GPC5: variants seen among roughly 807,000 people sequenced by gnomAD.
The protein encoded by GPC5 is glypican-5.
GPC5 carries 47 observed loss-of-function variants against 53.9 expected under a neutral mutation model. The observed-to-expected ratio is 0.87, with a 90% confidence interval of 0.69 to 1.11. The LOEUF (loss-of-function observed/expected upper bound fraction) is 1.11. Among genes scored for constraint, GPC5 ranks in the 50% most tolerant of loss-of-function variants. GPC5 has a pLI of 0.00. For synonymous variants in GPC5, 286 were observed against 263.3 expected (o/e 1.09, Z -0.84); for missense variants, 748 against 713.1 (o/e 1.05, Z -0.56).
chr13:92,433,212 A>G (rs967995995), intron 7 of GPC5, among the ~76,000 whole-genome samples: 5 of 152,070 alleles, frequency 3.3e-5, no homozygotes, highest in African/African-American at 9.7e-5. Context: ...AGAAAGAATG[A>G]GATTTGAAGC....
At chr13:91,728,806 A>G in intron 4 of GPC5, 141 bp downstream of exon 4, 1 of 902,294 alleles carries the variant, frequency 1.1e-6, no homozygotes, top group South Asian at 2.6e-5. Flanking sequence ...AACTTTAAAA[A>G]TCAGTGGCTG....
chr13:92,829,396 C>T (rs949158373), intron 7 of GPC5, among the ~76,000 whole-genome samples: 4 of 152,144 alleles, frequency 2.6e-5, no homozygotes, highest in African/African-American at 9.7e-5. Context: ...AGAAGGTATT[C>T]AGACAGACTC....
intron 7 of GPC5, among the ~76,000 whole-genome samples, chr13:92,234,070 TG>T (rs1407616511): frequency 2.6e-5 from 4 of 152,238 alleles, no homozygotes; most frequent in Non-Finnish European, 5.9e-5. Context: ...GTTGGACATC[TG>T]GGTTGGTTCC....
At position 91,492,002 on chromosome 13, in the gene GPC5, C is replaced by T. The variant is rs144170349; in HGVS notation, c.325+43080C>T. Reference sequence around the variant, plus strand: ...TGCTTTCACTCATGTCTGTTGAATACTTAGCAATTAGTTTTTTTCTCTATT... The same window carrying T: ...TGCTTTCACTCATGTCTGTTGAATATTTAGCAATTAGTTTTTTTCTCTATT... On this transcript the variant is annotated intron_variant, in intron 2 of 7. Transcript: ENST00000377067. 7.2e-5 allele frequency among the ~76,000 whole-genome samples: 11 copies of T among 152,280 alleles called. No homozygotes were observed. In the East Asian group the frequency reaches 2.1e-3, roughly 29 times the overall value.
At chr13:91,689,189 ATAT>A (rs2035692091) in intron 2 of GPC5, among the ~76,000 whole-genome samples, 2 of 48,886 alleles carry the variant, frequency 4.1e-5, no homozygotes, top group Non-Finnish European at 3.7e-5. Flanking sequence ...ATATAAATAT[ATAT>A]ATATATATAT....
At chr13:92,313,355 C>T (rs565544083) in intron 7 of GPC5, among the ~76,000 whole-genome samples, 2 of 152,276 alleles carry the variant, frequency 1.3e-5, no homozygotes, top group Non-Finnish European at 2.9e-5. Context: ...TTTTAAAAAT[C>T]TCCATCTATC....
intron 3 of GPC5, chr13:91,725,082 T>C (rs1445790740): frequency 6.6e-6 from 1 of 152,218 alleles, no homozygotes; most frequent in Non-Finnish European, 1.5e-5. Flanking sequence ...GAAAGTCAGC[T>C]AAGTGACAAG....
chr13:91,671,643 C>T (rs918550086), intron 2 of GPC5, among the ~76,000 whole-genome samples: 5 of 151,928 alleles, frequency 3.3e-5, no homozygotes, highest in African/African-American at 1.2e-4. Flanking sequence ...TGGAAATGGC[C>T]ATACTGTCCA....
intron 1 of GPC5, among the ~76,000 whole-genome samples, chr13:91,425,362 C>T (rs1878965517): frequency 1.3e-5 from 2 of 152,088 alleles, no homozygotes; most frequent in Admixed American, 1.3e-4. Context: ...GCTTTGTGCC[C>T]CTACCCAAAT....
intron 7 of GPC5, among the ~76,000 whole-genome samples, chr13:92,406,143 A>T (rs1328531737): frequency 6.6e-6 from 1 of 152,214 alleles, no homozygotes; most frequent in Non-Finnish European, 1.5e-5. Context: ...CCAAATGGGA[A>T]CTAACGACTG....
intron 5 of GPC5, among the ~76,000 whole-genome samples, chr13:91,809,005 A>G (rs1160970397): frequency 6.6e-6 from 1 of 152,196 alleles, no homozygotes; most frequent in Non-Finnish European, 1.5e-5. Flanking sequence ...TGGCTAAATT[A>G]TATAATCAGA....
chr13:91,950,478 G>T (rs1301707579), intron 6 of GPC5, among the ~76,000 whole-genome samples: 4 of 151,678 alleles, frequency 2.6e-5, no homozygotes, highest in African/African-American at 7.3e-5. Flanking sequence ...CTTCTGTGCT[G>T]TCTAAGCACT....
intron 7 of GPC5, among the ~76,000 whole-genome samples, chr13:92,613,005 G>A (rs1884490451): frequency 6.6e-6 from 1 of 151,378 alleles, no homozygotes; most frequent in South Asian, 2.1e-4. Context: ...TATAAATGAA[G>A]AAACTACAGT....
At chr13:91,688,030 G>C (rs1198287697) in intron 2 of GPC5, among the ~76,000 whole-genome samples, 1 of 151,952 alleles carries the variant, frequency 6.6e-6, no homozygotes, top group African/African-American at 2.4e-5. Flanking sequence ...TTTGTTACTT[G>C]ACAGTTATTT....
At chr13:91,404,321 G>A (rs753915513) in intron 1 of GPC5, among the ~76,000 whole-genome samples, 2 of 152,150 alleles carry the variant, frequency 1.3e-5, no homozygotes, top group South Asian at 2.1e-4. Flanking sequence ...CTGTTCAACC[G>A]ACAAACAACA....
chr13:91,541,585 C>A (rs1313853816), intron 2 of GPC5, among the ~76,000 whole-genome samples: 1 of 151,844 alleles, frequency 6.6e-6, no homozygotes, highest in African/African-American at 2.4e-5. Flanking sequence ...GAGGTATTTT[C>A]ACCTGTTTAT....
chr13:92,434,272 A>G (rs1433260200), intron 7 of GPC5, among the ~76,000 whole-genome samples: 1 of 152,206 alleles, frequency 6.6e-6, no homozygotes, highest in Non-Finnish European at 1.5e-5. Flanking sequence ...GAGAACCATA[A>G]CAACCACTAA....
intron 2 of GPC5, among the ~76,000 whole-genome samples, chr13:91,467,408 C>A (rs1882308758): frequency 1.3e-5 from 2 of 152,182 alleles, no homozygotes; most frequent in African/African-American, 2.4e-5. Flanking sequence ...TGGAGACATG[C>A]AATTCCTTGC....
Position 92,670,654 on chromosome 13 carries a change from G to T in GPC5, c.1562-195628G>T, listed in dbSNP as rs150903330. Among the ~76,000 whole-genome samples the T allele has an allele frequency of 2.6e-5, 4 of 152,098 alleles. No homozygotes were observed. In the East Asian group the frequency reaches 7.7e-4, roughly 29 times the overall value. On this transcript the variant is annotated intron_variant, in intron 7 of 7. Transcript: ENST00000377067. ...GGATGTTACTAAGAAGAGTAGATAG[G>T]GTCTAGTTAGCAAAAACAGACCATA... is the stretch of plus-strand genomic sequence containing the variant.
Sources: allele counts gnomAD v4.1 joint callset (sites outside exome capture counted in the v4.1 genomes callset), GRCh38; gene constraint gnomAD v4.1.1; transcripts MANE v1.5; gene names NCBI Gene and HGNC (gene_info 2026-07-23, HGNC 2026-07-21).